The following MACROD2 variants were observed in gnomAD, a reference collection of about 807,000 sequenced individuals.
The protein encoded by MACROD2 is ADP-ribose glycohydrolase MACROD2.
A neutral mutation model predicts 70.4 loss-of-function variants in MACROD2; 36 were observed. The ratio of observed to expected loss-of-function variants is 0.51; its 90% confidence interval spans 0.39 to 0.68. The LOEUF (loss-of-function observed/expected upper bound fraction) is 0.68, where lower values mean the gene tolerates loss of function less well. Ranked by LOEUF, MACROD2 falls within the 30% of genes least tolerant of loss-of-function variation. MACROD2 has a pLI of 0.00. For synonymous variants in MACROD2, 172 were observed against 178.8 expected, an observed-to-expected ratio of 0.96 and a Z score of 0.30; for missense variants, 496 against 538.4, an observed-to-expected ratio of 0.92 and a Z score of 0.78.
chr20:14,154,890 G>A (rs986680910), intron 3 of MACROD2, among the ~76,000 whole-genome samples: 1 of 152,056 alleles, frequency 6.6e-6, no homozygotes, highest in Non-Finnish European at 1.5e-5. Context: ...CATTTATAAT[G>A]CATGTCATAA....
intron 6 of MACROD2, among the ~76,000 whole-genome samples, chr20:15,415,878 C>T (rs561819222): frequency 6.6e-6 from 1 of 152,286 alleles, no homozygotes; most frequent in East Asian, 1.9e-4. Flanking sequence ...GAAATTCACT[C>T]TCTACTCTTA....
chr20:14,447,467 G>T (rs1170228363), intron 3 of MACROD2, among the ~76,000 whole-genome samples: 1 of 152,108 alleles, frequency 6.6e-6, no homozygotes, highest in African/African-American at 2.4e-5. Flanking sequence ...TTTATCCCAT[G>T]GCAAGGGAGG....
chr20:15,788,207 AACCTTAGAAAAC>A (rs923243163), intron 8 of MACROD2, among the ~76,000 whole-genome samples: 55 of 152,292 alleles, frequency 3.6e-4, no homozygotes, highest in African/African-American at 9.6e-4. Context: ...GTTTACTAAA[AACCTTAGAAAAC>A]ACCTTAGAAA....
chr20:14,653,469 C>T (rs1985799438), intron 4 of MACROD2, among the ~76,000 whole-genome samples: 1 of 151,802 alleles, frequency 6.6e-6, no homozygotes, highest in African/African-American at 2.4e-5. Flanking sequence ...CTTCCCGCCT[C>T]GGCCTCCCAA....
chr20:15,537,808 T>G (rs2047897355), intron 8 of MACROD2, among the ~76,000 whole-genome samples: 1 of 152,072 alleles, frequency 6.6e-6, no homozygotes, highest in Non-Finnish European at 1.5e-5. Context: ...CTTACAAATC[T>G]CATTCTGGAG....
intron 5 of MACROD2, among the ~76,000 whole-genome samples, chr20:14,754,516 G>A (rs2071914893): frequency 6.6e-6 from 1 of 152,088 alleles, no homozygotes; most frequent in Admixed American, 6.6e-5. Flanking sequence ...CTCATTTAGG[G>A]AGTGTGGAGA....
rs535140127 is a variant in MACROD2, at chr20:14,520,874, A to G, written c.301+27366A>G. On this transcript the variant is annotated intron_variant, in intron 4 of 17. Coordinates refer to ENST00000684519, the MANE Select transcript of MACROD2 (RefSeq NM_001351661.2). ...CCTCCCTGAGAAGCTTCTTTCTTCA[A>G]TCAGGGGCAATCTTAAACAGGACAT... Among the ~76,000 whole-genome samples the G allele has an allele frequency of 1.1e-3, 173 of 152,200 alleles. 1 individual carries two copies. The highest frequency in any genetic ancestry group is 3.9e-3 in the African/African-American group (164 of 41,548).
chr20:14,635,416 G>A (rs1984737646), intron 4 of MACROD2, among the ~76,000 whole-genome samples: 3 of 152,104 alleles, frequency 2.0e-5, no homozygotes, highest in Admixed American at 1.3e-4. Flanking sequence ...CCAAAAAGCA[G>A]CAATACTGAT....
chr20:14,789,350 T>A (rs1568796810), intron 5 of MACROD2, among the ~76,000 whole-genome samples: 1 of 151,112 alleles, frequency 6.6e-6, no homozygotes, highest in Non-Finnish European at 1.5e-5. Flanking sequence ...AGAAATAAGA[T>A]CATTTTGCAG....
chr20:15,702,887 C>T (rs944031625), intron 8 of MACROD2, among the ~76,000 whole-genome samples: 2 of 152,224 alleles, frequency 1.3e-5, no homozygotes, highest in East Asian at 1.9e-4. Context: ...CAACTTCGAA[C>T]TATACTATAA....
At chr20:15,012,174 G>A (rs2075087709) in intron 5 of MACROD2, among the ~76,000 whole-genome samples, 1 of 152,032 alleles carries the variant, frequency 6.6e-6, no homozygotes, top group African/African-American at 2.4e-5. Context: ...ATTGGTGGTG[G>A]GAACTAAACA....
chr20:15,786,162 A>T (rs541478155), intron 8 of MACROD2, among the ~76,000 whole-genome samples: 818 of 42,670 alleles, frequency 0.019, 3 homozygotes, highest in Middle Eastern at 0.05. Flanking sequence ...TAACAATATT[A>T]AAAAAAAAAA....
intron 3 of MACROD2, among the ~76,000 whole-genome samples, chr20:14,191,556 T>A (rs2081388201): frequency 6.6e-6 from 1 of 151,984 alleles, no homozygotes; most frequent in African/African-American, 2.4e-5. Context: ...AAAAACAAAA[T>A]ATATATTTTG....
At chr20:14,250,845 A>C (rs1001125144) in intron 3 of MACROD2, among the ~76,000 whole-genome samples, 1 of 152,118 alleles carries the variant, frequency 6.6e-6, no homozygotes, top group East Asian at 1.9e-4. Flanking sequence ...TATAACTGAA[A>C]GTATGACTCT....
At chr20:15,241,837 C>G (rs574556911) in intron 6 of MACROD2, among the ~76,000 whole-genome samples, 2 of 151,446 alleles carry the variant, frequency 1.3e-5, no homozygotes, top group African/African-American at 4.8e-5. Flanking sequence ...TTTGGCTACC[C>G]TAGGGAAACA....
chr20:14,740,331 G>A (rs1206904213), intron 5 of MACROD2, among the ~76,000 whole-genome samples: 2 of 152,010 alleles, frequency 1.3e-5, no homozygotes, highest in Non-Finnish European at 2.9e-5. Context: ...AAACTCAAAC[G>A]CTGGTCTGTC....
intron 8 of MACROD2, among the ~76,000 whole-genome samples, chr20:15,502,125 A>C (rs2047372604): frequency 1.3e-5 from 2 of 152,244 alleles, no homozygotes; most frequent in Non-Finnish European, 2.9e-5. Context: ...TAAGCAAATA[A>C]AAAATAAAGA....
chr20:14,396,692 G>C (rs1278530058), intron 3 of MACROD2, among the ~76,000 whole-genome samples: 1 of 151,994 alleles, frequency 6.6e-6, no homozygotes, highest in Non-Finnish European at 1.5e-5. Context: ...TTGGGAGGCT[G>C]AGGAGGGCGG....
At chr20:15,532,645 CAAAAT>C (rs984990340) in intron 8 of MACROD2, among the ~76,000 whole-genome samples, 1 of 124,954 alleles carries the variant, frequency 8.0e-6, no homozygotes, top group Non-Finnish European at 1.6e-5. Context: ...TGAAACAAAA[CAAAAT>C]AAACCAAAAA....
Sources: gnomAD v4.1 joint callset for allele counts (sites outside exome capture counted in the v4.1 genomes callset) on GRCh38, gnomAD v4.1.1 for gene constraint, MANE v1.5 for transcripts, NCBI Gene and HGNC (gene_info 2026-07-23, HGNC 2026-07-21) for gene names.